CTTNBP2: variants seen among roughly 807,000 people sequenced by gnomAD.
CTTNBP2 encodes cortactin-binding protein 2.
A neutral mutation model predicts 156.9 loss-of-function variants in CTTNBP2; 108 were observed. That is an observed-to-expected ratio of 0.69 (90% CI 0.59 to 0.81). CTTNBP2 has a LOEUF of 0.81. CTTNBP2 is among the 30% of genes least tolerant of loss of function. The pLI, the probability that CTTNBP2 is intolerant of heterozygous loss-of-function variation, is 0.00. For missense variants in CTTNBP2, 1,924 were observed against 2,035.4 expected (o/e 0.95, Z 1.05); for synonymous variants, 767 against 751.8 (o/e 1.02, Z -0.33).
intron 12 of CTTNBP2, among the ~76,000 whole-genome samples, chr7:117,746,721 T>C (rs1796353484): frequency 6.6e-6 from 1 of 152,248 alleles, no homozygotes; most frequent in African/African-American, 2.4e-5. Flanking sequence ...AGGTAAAAGA[T>C]GTTTTGATGA....
intron 2 of CTTNBP2, among the ~76,000 whole-genome samples, chr7:117,846,084 C>G (rs779518330): frequency 3.3e-5 from 5 of 152,064 alleles, no homozygotes; most frequent in Non-Finnish European, 7.4e-5. Flanking sequence ...ATCTCCTGAC[C>G]TCGTGATCCG....
chr7:117,720,084 A>T (rs1259224693), intron 20 of CTTNBP2, among the ~76,000 whole-genome samples: 1 of 152,132 alleles, frequency 6.6e-6, no homozygotes, highest in Non-Finnish European at 1.5e-5. Flanking sequence ...TTATGTGTAC[A>T]TCCTAGGGTT....
At chr7:117,834,849 T>C (rs1801828913) in intron 2 of CTTNBP2, among the ~76,000 whole-genome samples, 1 of 152,246 alleles carries the variant, frequency 6.6e-6, no homozygotes, top group Non-Finnish European at 1.5e-5. Flanking sequence ...CATGTACTAA[T>C]TCTTTAGTCC....
At chr7:117,790,577 T>G (rs1030367704) in intron 4 of CTTNBP2, among the ~76,000 whole-genome samples, 1 of 151,092 alleles carries the variant, frequency 6.6e-6, no homozygotes, top group Non-Finnish European at 1.5e-5. Context: ...TTTATAAATA[T>G]TCACACTCCA....
chr7:117,741,197 T>C (rs934709097), intron 14 of CTTNBP2, among the ~76,000 whole-genome samples: 1 of 151,746 alleles, frequency 6.6e-6, no homozygotes, highest in African/African-American at 2.4e-5. Flanking sequence ...CAAGAAATAA[T>C]AGGTGATGGG....
At chr7:117,838,326 C>T (rs532833407) in intron 2 of CTTNBP2, among the ~76,000 whole-genome samples, 7 of 152,198 alleles carry the variant, frequency 4.6e-5, no homozygotes, top group African/African-American at 7.2e-5. Flanking sequence ...CTTCAATTTC[C>T]GATCTCATAA....
chr7:117,790,864 T>TTAATTTA (rs1798954860), intron 4 of CTTNBP2, among the ~76,000 whole-genome samples: 1 of 152,202 alleles, frequency 6.6e-6, no homozygotes, highest in Non-Finnish European at 1.5e-5. Flanking sequence ...ATGGTCTCCA[T>TTAATTTA]GTGCTTTAAG....
intron 1 of CTTNBP2, among the ~76,000 whole-genome samples, chr7:117,872,854 C>G (rs570985379): frequency 1.6e-4 from 25 of 152,280 alleles, no homozygotes; most frequent in Admixed American, 8.5e-4. Flanking sequence ...CCCACACCTG[C>G]TGGGCGATGG....
chr7:117,787,981 GT>G (rs1243209668), intron 4 of CTTNBP2, among the ~76,000 whole-genome samples: 2 of 151,994 alleles, frequency 1.3e-5, no homozygotes, highest in Non-Finnish European at 2.9e-5. Context: ...TATAATTTTG[GT>G]TTAATGTTTT....
intron 6 of CTTNBP2, 36 bp downstream of exon 6, chr7:117,782,826 T>C (rs1464130156): frequency 4.0e-6 from 6 of 1,487,240 alleles, no homozygotes; most frequent in Non-Finnish European, 5.6e-6. Context: ...AGAGGCTCCT[T>C]TGATGGTGGG....
intron 9 of CTTNBP2, 139 bp from the exon 10 acceptor site, chr7:117,760,849 T>C (rs1797171241): frequency 4.6e-6 from 3 of 645,270 alleles, no homozygotes; most frequent in Non-Finnish European, 5.2e-6. Flanking sequence ...TAACATTACA[T>C]TGAACGTTCT....
intron 8 of CTTNBP2, among the ~76,000 whole-genome samples, chr7:117,768,024 G>A (rs1039168906): frequency 6.6e-6 from 1 of 151,806 alleles, no homozygotes; most frequent in Non-Finnish European, 1.5e-5. Flanking sequence ...AAAATGAATA[G>A]ACCAGAAAGC....
chr7:117,801,985 C>A, intron 3 of CTTNBP2, among the ~76,000 whole-genome samples: 1 of 151,116 alleles, frequency 6.6e-6, no homozygotes, highest in East Asian at 1.9e-4. Context: ...TATACATGTG[C>A]CATGCTGGTG....
At chr7:117,846,499 G>GA (rs1362275772) in intron 2 of CTTNBP2, among the ~76,000 whole-genome samples, 1 of 151,338 alleles carries the variant, frequency 6.6e-6, no homozygotes, top group African/African-American at 2.4e-5. Flanking sequence ...TTATTAGTGA[G>GA]AAAAAATAAT....
intron 3 of CTTNBP2, among the ~76,000 whole-genome samples, chr7:117,805,039 T>C (rs965182898): frequency 5.9e-5 from 9 of 152,208 alleles, no homozygotes; most frequent in Admixed American, 5.9e-4. Context: ...ATTTTGAATG[T>C]CTTTTGAATA....
intron 12 of CTTNBP2, among the ~76,000 whole-genome samples, chr7:117,751,042 T>C (rs1796595507): frequency 6.6e-6 from 1 of 152,236 alleles, no homozygotes. Context: ...TCTTGTGTCT[T>C]CACAGACTAT....
chr7:117,815,591 C>T (rs1800530085), intron 2 of CTTNBP2, among the ~76,000 whole-genome samples: 2 of 152,076 alleles, frequency 1.3e-5, no homozygotes, highest in Admixed American at 1.3e-4. Context: ...AACAGGCTCC[C>T]CACTATTAGG....
rs1437344003 is a variant in CTTNBP2, at chr7:117,765,553, G to A, written c.2896+1506C>T. ...CCTAATGTCCAGTCTTCCACAGGAT[G>A]TACATCTGCAAATCCTGCCAACATG... On this transcript the variant is annotated intron_variant, in intron 9 of 22. Transcript: ENST00000160373. 2.6e-5 allele frequency among the ~76,000 whole-genome samples: 4 copies of A among 152,114 alleles called. No homozygotes were observed. In the East Asian group the frequency reaches 5.8e-4, roughly 22 times the overall value.
chr7:117,861,121 C>A, intron 2 of CTTNBP2, 88 bp downstream of exon 2: 1 of 762,698 alleles, frequency 1.3e-6, no homozygotes, highest in South Asian at 1.7e-5. Context: ...CTATTTGATT[C>A]AAAAATTAAG....
Sources: gnomAD v4.1 joint callset for allele counts (sites outside exome capture counted in the v4.1 genomes callset) on GRCh38, gnomAD v4.1.1 for gene constraint, MANE v1.5 for transcripts, NCBI Gene and HGNC (gene_info 2026-07-23, HGNC 2026-07-21) for gene names.